SIK3: variants seen among roughly 807,000 people sequenced by gnomAD.
SIK3 encodes SIK family kinase 3.
In SIK3, 28 loss-of-function variants were observed where a neutral mutation model predicts 144.2. That is an observed-to-expected ratio of 0.19 (90% CI 0.14 to 0.27). SIK3 has a LOEUF of 0.27. Among genes scored for constraint, SIK3 ranks in the 10% least tolerant of loss-of-function variants. The probability of loss-of-function intolerance (pLI) is 1.00; values close to 1 mark genes in which losing one functional copy is unlikely to be tolerated. For missense variants in SIK3, 1,319 were observed against 1,776.0 expected (o/e 0.74, Z 4.62); for synonymous variants, 686 against 676.3 (o/e 1.01, Z -0.22).
At chr11:117,070,845 C>T (rs867927467) in intron 1 of SIK3, among the ~76,000 whole-genome samples, 3 of 150,746 alleles carry the variant, frequency 2.0e-5, no homozygotes, top group African/African-American at 7.3e-5. Flanking sequence ...CTCCGCCTCC[C>T]GGGTTCGAGC....
Position 116,858,631 on chromosome 11 carries a change from TC to T in SIK3, c.2833del (p.Asp945ThrfsTer24). 6.3e-7 allele frequency: 1 copy of T among 1,599,824 alleles called. No homozygotes were observed. The highest frequency in any genetic ancestry group is 8.5e-7 in the Non-Finnish European group (1 of 1,173,322). On this transcript the variant is annotated frameshift_variant, in exon 21 of 25. Coordinates refer to ENST00000445177, the MANE Select transcript of SIK3 (RefSeq NM_001366686.3). LOFTEE classifies it high-confidence loss of function. This position sits in a 1 kb window ranked among gnomAD's most constrained non-coding sequence, Gnocchi z 5.4. ...GCTGCTGGGGGAACCCCGGGACTGG[TC>T]CGAAAACAGATGGGGGTGTAAATGC... ...QAHLHPHLFS[D>X]QSRGSPSSYS...
chr11:116,941,595 C>T (rs1948308870), intron 3 of SIK3, among the ~76,000 whole-genome samples: 1 of 152,092 alleles, frequency 6.6e-6, no homozygotes, highest in Non-Finnish European at 1.5e-5. Flanking sequence ...TTTGAGTGAC[C>T]TATGGCATAA....
intron 1 of SIK3, among the ~76,000 whole-genome samples, chr11:117,001,869 T>C (rs918904361): frequency 5.3e-5 from 8 of 152,162 alleles, no homozygotes; most frequent in Admixed American, 2.0e-4. Context: ...GTCACATGAA[T>C]TAACAAAAGC....
Position 116,887,381 on chromosome 11 carries a change from C to T in SIK3, c.865+8872G>A, listed in dbSNP as rs572669143. ...TCTGTAATCCCAGCACTTTGGGAAG[C>T]CGAGGCGGGCAGATCACTTGAGGCC... On this transcript the variant is annotated intron_variant, in intron 6 of 24. Transcript: ENST00000445177. Among the ~76,000 whole-genome samples the T allele has an allele frequency of 1.1e-3, 160 of 152,052 alleles. 2 individuals are homozygous for T. Among genetic ancestry groups the T allele is most frequent in the African/African-American group, 3.7e-3 (153 of 41,460 alleles).
At chr11:116,989,563 A>G (rs1337416496) in intron 1 of SIK3, among the ~76,000 whole-genome samples, 1 of 137,014 alleles carries the variant, frequency 7.3e-6, no homozygotes, top group Non-Finnish European at 1.7e-5. Flanking sequence ...AATAAAAATT[A>G]TAAATTGAAA....
At chr11:117,003,216 A>C (rs561891634) in intron 1 of SIK3, among the ~76,000 whole-genome samples, 18 of 152,214 alleles carry the variant, frequency 1.2e-4, no homozygotes, top group Non-Finnish European at 2.6e-4. Context: ...GATCTACACT[A>C]CTCAGAATCT....
chr11:117,054,796 TG>T (rs1303398960), intron 1 of SIK3, among the ~76,000 whole-genome samples: 9 of 152,112 alleles, frequency 5.9e-5, no homozygotes, highest in Admixed American at 5.9e-4. Context: ...AAAATTAAGA[TG>T]TTTAAAATGA....
intron 1 of SIK3, among the ~76,000 whole-genome samples, chr11:117,055,299 T>C (rs546715101): frequency 2.0e-5 from 3 of 152,360 alleles, no homozygotes; most frequent in Non-Finnish European, 2.9e-5. Flanking sequence ...ATTCCTATTA[T>C]TAGCATTTAT....
chr11:117,056,313 G>A (rs890328552), intron 1 of SIK3, among the ~76,000 whole-genome samples: 3 of 152,026 alleles, frequency 2.0e-5, no homozygotes, highest in Non-Finnish European at 4.4e-5. Flanking sequence ...CTCATAGGTG[G>A]GAACTGAACA....
intron 3 of SIK3, among the ~76,000 whole-genome samples, chr11:116,953,744 A>G (rs746853327): frequency 6.6e-6 from 1 of 152,228 alleles, no homozygotes; most frequent in African/African-American, 2.4e-5. Context: ...TAAAACCTGC[A>G]AACAGGAAAG....
intron 18 of SIK3, 47 bp from the exon 19 acceptor site, chr11:116,861,430 A>G (rs772259101): frequency 3.1e-5 from 42 of 1,374,930 alleles, no homozygotes; most frequent in Admixed American, 4.1e-5. Context: ...CTAAGGTGAC[A>G]GTACAATCTT....
In SIK3 at chr11:117,031,568, C is replaced by A. The variant is rs891027725; in HGVS notation, c.273+66575G>T. On this transcript the variant is annotated intron_variant, in intron 1 of 24. Coordinates refer to ENST00000445177, the MANE Select transcript of SIK3 (RefSeq NM_001366686.3). Reference sequence around the variant, plus strand: ...CAGAGTTTTGCTCTTGTTTCCCAGGCTGGAGTGCAATGGCGCGATCTTGGC... The same window carrying A: ...CAGAGTTTTGCTCTTGTTTCCCAGGATGGAGTGCAATGGCGCGATCTTGGC... Among the ~76,000 whole-genome samples, 15 of 151,178 alleles carry A rather than the reference C, an allele frequency of 9.9e-5. No homozygotes were observed. The South Asian group carries it at 2.9e-3, about 29-fold the overall frequency.
chr11:117,012,442 T>C (rs1951302475), intron 1 of SIK3, among the ~76,000 whole-genome samples: 1 of 152,218 alleles, frequency 6.6e-6, no homozygotes, highest in Non-Finnish European at 1.5e-5. Flanking sequence ...TTTCCAAAGC[T>C]GTATTTGACC....
chr11:117,008,460 A>AAT (rs751163045), intron 1 of SIK3, among the ~76,000 whole-genome samples: 1 of 138,896 alleles, frequency 7.2e-6, no homozygotes, highest in Non-Finnish European at 1.5e-5. Context: ...TGTTAACATA[A>AAT]AGGCAAAAGA....
At chr11:116,911,545 G>T (rs1946347920) in intron 4 of SIK3, among the ~76,000 whole-genome samples, 1 of 152,016 alleles carries the variant, frequency 6.6e-6, no homozygotes, top group African/African-American at 2.4e-5. Context: ...AGCAACATGG[G>T]AAATATAAAA....
chr11:116,888,242 A>G (rs1278212086), intron 6 of SIK3, among the ~76,000 whole-genome samples: 3 of 152,256 alleles, frequency 2.0e-5, no homozygotes, highest in Non-Finnish European at 1.5e-5. Context: ...GCTCAAGCCT[A>G]TGACAACAGC....
chr11:117,089,307 T>C (rs1955146235), intron 1 of SIK3, among the ~76,000 whole-genome samples: 1 of 150,578 alleles, frequency 6.6e-6, no homozygotes, highest in African/African-American at 2.5e-5. Context: ...CTCTGGAGGC[T>C]GAGACAGGAG....
intron 1 of SIK3, among the ~76,000 whole-genome samples, chr11:116,982,497 C>T (rs3863306): frequency 0.45 from 68,024 of 151,692 alleles, 18,987 homozygotes; most frequent in Non-Finnish European, 0.64. Context: ...ACCATGTTGG[C>T]CAGGCTGGTC....
At chr11:116,915,183 T>C (rs1188973380) in intron 4 of SIK3, among the ~76,000 whole-genome samples, 1 of 146,314 alleles carries the variant, frequency 6.8e-6, no homozygotes, top group African/African-American at 2.5e-5. Flanking sequence ...TTCTTTTTGA[T>C]GGGGCGGGGG....
Sources: gnomAD v4.1 joint callset for allele counts (sites outside exome capture counted in the v4.1 genomes callset) on GRCh38, gnomAD v4.1.1 for gene constraint, Gnocchi (gnomAD v3.1) non-coding constraint, MANE v1.5 for transcripts, NCBI Gene and HGNC (gene_info 2026-07-23, HGNC 2026-07-21) for gene names.